CGA: variants seen among roughly 807,000 people sequenced by gnomAD.
CGA encodes the protein glycoprotein hormones alpha chain.
CGA carries 4 observed loss-of-function variants against 12.0 expected under a neutral mutation model. The observed-to-expected ratio is 0.33, with a 90% CI of 0.16 to 0.76. CGA has a LOEUF of 0.76. CGA is among the 30% of genes least tolerant of loss of function. The pLI, the probability that CGA is intolerant of heterozygous loss-of-function variation, is 0.60. For synonymous variants in CGA, 60 were observed against 56.6 expected (o/e 1.06, Z -0.27); for missense variants, 102 against 143.5 (o/e 0.71, Z 1.48).
intron 1 of CGA, among the ~76,000 whole-genome samples, chr6:87,093,058 C>T (rs1037118726): frequency 4.6e-5 from 7 of 152,210 alleles, no homozygotes; most frequent in Admixed American, 3.3e-4. Flanking sequence ...GAATTTCAGG[C>T]GTGAGCCCCC....
At chr6:87,088,622 A>G (rs902962927) in intron 1 of CGA, among the ~76,000 whole-genome samples, 14 of 152,190 alleles carry the variant, frequency 9.2e-5, no homozygotes, top group Non-Finnish European at 1.8e-4. Flanking sequence ...TAAAATATAC[A>G]ATCATTTGAT....
In CGA at chr6:87,086,418, C is replaced by A. The variant is rs760112588; in HGVS notation, c.105G>T (p.Thr35=). The change falls in exon 3 of 4, where the codon ACG becomes ACT. Residue 35 remains threonine (T), a synonymous_variant. Coordinates refer to ENST00000627148, the MANE Select transcript of CGA (RefSeq NM_000735.4). The part of the protein sequence containing the change: ...APDVQDCPEC[T]LQENPFFSQP... ...GGGAGAAGAATGGGTTTTCCTGTAG[C>A]GTGCATTCTGGGCAATCTATCAGGG... The A allele has an allele frequency of 6.2e-7, 1 of 1,603,226 alleles. No homozygotes were observed. Among genetic ancestry groups the A allele is most frequent in the South Asian group, 1.1e-5 (1 of 88,994 alleles).
At chr6:87,092,195 A>G (rs1769444781) in intron 1 of CGA, among the ~76,000 whole-genome samples, 1 of 152,160 alleles carries the variant, frequency 6.6e-6, no homozygotes, top group African/African-American at 2.4e-5. Flanking sequence ...AAATGGCCAC[A>G]AAAATACCCC....
intron 1 of CGA, among the ~76,000 whole-genome samples, chr6:87,093,904 G>GA (rs1298599191): frequency 1.3e-5 from 2 of 152,074 alleles, no homozygotes; most frequent in South Asian, 2.1e-4. Flanking sequence ...ATAAACTTAA[G>GA]AAAACCAAAG....
chr6:87,094,138 A>G (rs772596888), intron 1 of CGA, among the ~76,000 whole-genome samples: 1 of 152,220 alleles, frequency 6.6e-6, no homozygotes, highest in African/African-American at 2.4e-5. Context: ...TGGGAAAAAG[A>G]TTGAAGAGCT....
At chr6:87,093,588 CAAAA>C (rs1472611101) in intron 1 of CGA, among the ~76,000 whole-genome samples, 1 of 152,196 alleles carries the variant, frequency 6.6e-6, no homozygotes, top group Non-Finnish European at 1.5e-5. Context: ...ATGCTGTTCT[CAAAA>C]GAAATGTAAG....
chr6:87,087,135 C>T (rs184194781), intron 2 of CGA, among the ~76,000 whole-genome samples: 3 of 152,258 alleles, frequency 2.0e-5, no homozygotes, highest in Non-Finnish European at 4.4e-5. Context: ...ACTGTGAATG[C>T]TTCCTTATTA....
intron 1 of CGA, among the ~76,000 whole-genome samples, chr6:87,090,289 T>G (rs1266483484): frequency 6.6e-6 from 1 of 152,188 alleles, no homozygotes; most frequent in Non-Finnish European, 1.5e-5. Context: ...TACTAAAATG[T>G]TGTTTGTCTT....
intron 1 of CGA, among the ~76,000 whole-genome samples, chr6:87,094,611 G>A (rs892784836): frequency 5.3e-5 from 8 of 152,142 alleles, no homozygotes; most frequent in African/African-American, 1.9e-4. Context: ...TTTATCATGG[G>A]CCAGCTTGAA....
intron 3 of CGA, 103 bp from the exon 4 acceptor site, chr6:87,085,936 AATAAGTAG>A: frequency 1.2e-6 from 1 of 839,436 alleles, no homozygotes; most frequent in Non-Finnish European, 2.0e-6. Context: ...ATTCTGCTGA[AATAAGTAG>A]ATGCATACTA....
At chr6:87,090,720 C>T (rs1769416914) in intron 1 of CGA, among the ~76,000 whole-genome samples, 1 of 150,928 alleles carries the variant, frequency 6.6e-6, no homozygotes, top group East Asian at 1.9e-4. Flanking sequence ...TCACTGCAAC[C>T]TCCACCTCCT....
chr6:87,088,379 A>G (rs567102355), intron 1 of CGA, among the ~76,000 whole-genome samples, 172 bp from the exon 2 acceptor site: 2 of 152,012 alleles, frequency 1.3e-5, no homozygotes, highest in Non-Finnish European at 2.9e-5. Context: ...AATTTTTTTT[A>G]AAAAAAGTTC....
In CGA at chr6:87,086,292, G is replaced by A; in HGVS notation, c.231C>T (p.Val77=). The change falls in exon 3 of 4, where the codon GTC becomes GTT. Residue 77 remains valine (V), a synonymous_variant. Transcript: ENST00000627148. The part of the protein sequence containing the change: ...SKKTMLVQKN[V]TSESTCCVAK... ...CTACACAGCAAGTGGACTCTGAGGT[G>A]ACGTTCTTTTGGACCAACATCGTCT... The A allele has an allele frequency of 6.2e-7, 1 of 1,614,024 alleles. No homozygotes were observed. The highest frequency in any genetic ancestry group is 8.5e-7 in the Non-Finnish European group (1 of 1,179,982).
At chr6:87,092,242 C>T (rs1207058711) in intron 1 of CGA, among the ~76,000 whole-genome samples, 1 of 152,126 alleles carries the variant, frequency 6.6e-6, no homozygotes, top group Admixed American at 6.6e-5. Flanking sequence ...CCTTGTCACT[C>T]CCACGTCAAA....
Position 87,088,210 on chromosome 6 carries a change from G to T in CGA, c.-7-3C>A. ...TTCTGTAGTAATCCATGGCGCTCCT[G>T]CAGACAGACATGGCAAAAAAAAAAA... is the stretch of plus-strand genomic sequence containing the variant. On this transcript the variant is annotated splice_polypyrimidine_tract_variant and splice_region_variant and intron_variant, in intron 1 of 3. Coordinates refer to ENST00000627148, the MANE Select transcript of CGA (RefSeq NM_000735.4). 1 of 1,371,964 alleles carries T rather than the reference G, an allele frequency of 7.3e-7. No homozygotes were observed. The highest frequency in any genetic ancestry group is 9.7e-7 in the Non-Finnish European group (1 of 1,027,746). 85.0% of individuals were successfully genotyped at this position (1,371,964 alleles called of 1,614,324 possible).
chr6:87,093,224 A>G (rs890737213), intron 1 of CGA, among the ~76,000 whole-genome samples: 1 of 152,238 alleles, frequency 6.6e-6, no homozygotes, highest in East Asian at 1.9e-4. Flanking sequence ...TTCCACTTGT[A>G]CTACCCCTAT....
chr6:87,086,484 A>G, intron 2 of CGA, 50 bp from the exon 3 acceptor site: 1 of 1,542,544 alleles, frequency 6.5e-7, no homozygotes, highest in Non-Finnish European at 8.8e-7. Flanking sequence ...AAGACTCAAA[A>G]AGAATCTATG....
intron 2 of CGA, chr6:87,086,652 G>A: frequency 2.0e-6 from 1 of 507,866 alleles, no homozygotes; most frequent in Non-Finnish European, 3.5e-6. Context: ...CAGACGTGAT[G>A]GTGCACACCT....
chr6:87,091,809 T>G (rs1769437202), intron 1 of CGA, among the ~76,000 whole-genome samples: 1 of 152,250 alleles, frequency 6.6e-6, no homozygotes, highest in Non-Finnish European at 1.5e-5. Flanking sequence ...CTTTCTCCAC[T>G]GCACTCACTT....
Sources: allele counts gnomAD v4.1 joint callset (sites outside exome capture counted in the v4.1 genomes callset), GRCh38; gene constraint gnomAD v4.1.1; transcripts MANE v1.5; gene names NCBI Gene and HGNC (gene_info 2026-07-23, HGNC 2026-07-21).